Variants in SUFU observed in about 807,000 individuals in gnomAD.
The protein encoded by SUFU is suppressor of fused homolog.
In SUFU, 7 loss-of-function variants were observed where a neutral mutation model predicts 58.9. The observed-to-expected ratio is 0.12, with a 90% CI of 0.07 to 0.22. The LOEUF (loss-of-function observed/expected upper bound fraction) is 0.22, where lower values mean the gene tolerates loss of function less well. Ranked by LOEUF, SUFU falls within the 10% of genes least tolerant of loss-of-function variation. The probability of loss-of-function intolerance (pLI) is 1.00; values close to 1 mark genes in which losing one functional copy is unlikely to be tolerated. For synonymous variants in SUFU, 232 were observed against 254.8 expected, an observed-to-expected ratio of 0.91 and a Z score of 0.85; for missense variants, 451 against 641.3, an observed-to-expected ratio of 0.70 and a Z score of 3.20.
chr10:102,612,526 C>T (rs2063637371), intron 8 of SUFU, among the ~76,000 whole-genome samples: 1 of 152,084 alleles, frequency 6.6e-6, no homozygotes, highest in Non-Finnish European at 1.5e-5. Context: ...ATTTATTTTT[C>T]CCTCCAGCTT....
Position 102,617,227 on chromosome 10 carries a change from C to A in SUFU, c.1158-63C>A. On this transcript the variant is annotated intron_variant, in intron 9 of 11. Transcript: ENST00000369902. This position sits in a 1 kb window ranked among gnomAD's most constrained non-coding sequence, Gnocchi z 4.4. ...CCACTGTCCCAGAGCCTTGGCCAGGCCTGCTGTGCTTGGAACTGTTTCCAA... is the reference window on the plus strand; with the variant it reads ...CCACTGTCCCAGAGCCTTGGCCAGGACTGCTGTGCTTGGAACTGTTTCCAA... The A allele has an allele frequency of 2.5e-6, 4 of 1,611,836 alleles. No homozygotes were observed. The highest frequency in any genetic ancestry group is 1.7e-4 in the Middle Eastern group (1 of 5,980).
chr10:102,545,929 G>A (rs183029709), intron 2 of SUFU, among the ~76,000 whole-genome samples: 14 of 152,306 alleles, frequency 9.2e-5, no homozygotes, highest in Admixed American at 5.9e-4. Flanking sequence ...AGCTGTGATC[G>A]CACCACTGCA....
At chr10:102,542,320 A>T (rs1375389414) in intron 2 of SUFU, among the ~76,000 whole-genome samples, 1 of 151,620 alleles carries the variant, frequency 6.6e-6, no homozygotes, top group Non-Finnish European at 1.5e-5. Context: ...TTTAGTAGAG[A>T]CAGGGTTTCT....
chr10:102,530,099 A>G (rs1035992071), intron 2 of SUFU, among the ~76,000 whole-genome samples: 3 of 152,166 alleles, frequency 2.0e-5, no homozygotes, highest in Non-Finnish European at 2.9e-5. Context: ...CCTTGCACAC[A>G]TGGAAGTTAA....
At position 102,550,105 on chromosome 10, in the gene SUFU, A is replaced by G; in HGVS notation, c.453A>G (p.Ser151=). The change falls in exon 3 of 12, where the codon TCA becomes TCG. Residue 151 remains serine, a splice_region_variant and synonymous_variant. Coordinates refer to ENST00000369902, the MANE Select transcript of SUFU (RefSeq NM_016169.4). ...GCTTGGCACGATACGTGTTCCAGTC[A>G]GGTAGGAGGCCAGGGCTGGCTGCTG... ...MQGLARYVFQ[S]ENTFCSGDHV... is the part of the protein sequence containing the mutation. 6.2e-7 allele frequency: 1 copy of G among 1,614,182 alleles called. No homozygotes were observed.
chr10:102,594,583 A>T (rs528172559), intron 6 of SUFU, among the ~76,000 whole-genome samples: 275 of 152,302 alleles, frequency 1.8e-3, no homozygotes, highest in Non-Finnish European at 3.0e-3. Context: ...GCCTGGAAAG[A>T]TTGGCACCTT....
At chr10:102,536,336 G>C (rs1439788600) in intron 2 of SUFU, among the ~76,000 whole-genome samples, 1 of 147,814 alleles carries the variant, frequency 6.8e-6, no homozygotes, top group African/African-American at 2.5e-5. Context: ...AAATTATACT[G>C]TAGTAGCCAC....
At chr10:102,607,473 T>G (rs2135909539) in intron 8 of SUFU, among the ~76,000 whole-genome samples, 1 of 152,342 alleles carries the variant, frequency 6.6e-6, no homozygotes, top group East Asian at 1.9e-4. Context: ...ATGGCTCAAC[T>G]GTAAACAGCA....
Position 102,619,004 on chromosome 10 carries a change from AC to A in SUFU, c.1296+1577del. The A allele has an allele frequency of 6.5e-7, 1 of 1,536,762 alleles. No individual in the cohort carries two copies. The highest frequency in any genetic ancestry group is 1.1e-5 in the South Asian group (1 of 89,370). ...TAATGTTCAAGCACGTTTTCCTGGG[AC>A]AGTCGGGACTGGGGCCTCCCCAAAC... On this transcript the variant is annotated intron_variant, in intron 10 of 11. Coordinates refer to ENST00000369902, the MANE Select transcript of SUFU (RefSeq NM_016169.4). The surrounding 1 kb of genome is among the most constrained non-coding windows in gnomAD (Gnocchi z 4.2).
chr10:102,631,515 G>A lies in SUFU; in HGVS notation c.*1360G>A, dbSNP rs145506225. On this transcript the variant is annotated 3_prime_UTR_variant, in exon 12 of 12. Coordinates refer to ENST00000369902, the MANE Select transcript of SUFU (RefSeq NM_016169.4). ...CTGCCTTCTTACCCCCAACTCTAGG[G>A]ATGGGACTGTTACAATACTTCAAGA... 5 of 233,578 alleles carry A rather than the reference G, an allele frequency of 2.1e-5. No individual in the cohort carries two copies. Among genetic ancestry groups the A allele is most frequent in the African/African-American group, 1.1e-4 (5 of 45,458 alleles). 14.5% of individuals were successfully genotyped at this position (233,578 alleles called of 1,614,324 possible).
rs182375117 is a variant in SUFU, at chr10:102,542,033, C to T, written c.318-7937C>T. Among the ~76,000 whole-genome samples the T allele has an allele frequency of 9.9e-5, 15 of 151,516 alleles. No homozygotes were observed. The East Asian group carries it at 2.1e-3, about 22-fold the overall frequency. ...CCGAGTAGCTGAGATTACAGGCATG[C>T]GCCACCATGCCCGACTAATTTTGTA... is the stretch of plus-strand genomic sequence containing the variant. On this transcript the variant is annotated intron_variant, in intron 2 of 11. Transcript: ENST00000369902.
intron 8 of SUFU, 86 bp from the exon 9 acceptor site, chr10:102,615,172 GTCTTTATTAC>G: frequency 6.4e-7 from 1 of 1,556,764 alleles, no homozygotes; most frequent in South Asian, 1.1e-5. Flanking sequence ...CACCATTATT[GTCTTTATTAC>G]TCAGGAGCCC....
intron 3 of SUFU, chr10:102,572,929 A>G: frequency 1.9e-6 from 2 of 1,038,074 alleles, no homozygotes; most frequent in South Asian, 2.5e-5. Flanking sequence ...TTTAACATCC[A>G]CAGTGAACAC....
chr10:102,516,998 C>G (rs2135649629), intron 2 of SUFU, among the ~76,000 whole-genome samples: 1 of 151,552 alleles, frequency 6.6e-6, no homozygotes, highest in Middle Eastern at 3.4e-3. Context: ...TGGTGGGCAC[C>G]TGTAATCCCA....
chr10:102,622,932 G>A (rs1456220716), intron 10 of SUFU, among the ~76,000 whole-genome samples: 2 of 150,260 alleles, frequency 1.3e-5, no homozygotes, highest in East Asian at 3.9e-4. Flanking sequence ...CAGAGGTTGC[G>A]GTGAGTTGAG....
At chr10:102,610,539 A>G (rs1023107815) in intron 8 of SUFU, among the ~76,000 whole-genome samples, 2 of 152,220 alleles carry the variant, frequency 1.3e-5, no homozygotes, top group Non-Finnish European at 2.9e-5. Flanking sequence ...TCCAGAGAAC[A>G]TCCAGAAGGG....
chr10:102,527,080 G>A (rs532203510), intron 2 of SUFU, among the ~76,000 whole-genome samples: 79 of 135,008 alleles, frequency 5.9e-4, no homozygotes, highest in South Asian at 5.4e-3. Context: ...TCAGCTCACT[G>A]CAAGCTCCGC....
rs148200570 is a variant in SUFU, at chr10:102,627,951, C to T, written c.1365+708C>T. The stretch of plus-strand genomic sequence containing the variant: ...CCTCCCCCGCTCCTGCCCGCAGCAC[C>T]CCAGTGGGATGGGAGCTTTCCTGGC... On this transcript the variant is annotated intron_variant, in intron 11 of 11. Transcript: ENST00000369902. Among the ~76,000 whole-genome samples the T allele has an allele frequency of 3.0e-3, 452 of 152,340 alleles. 4 individuals are homozygous for T. Among genetic ancestry groups the T allele is most frequent in the African/African-American group, 0.01 (435 of 41,574 alleles).
chr10:102,607,341 G>T (rs1027332369), intron 8 of SUFU, among the ~76,000 whole-genome samples: 9 of 152,038 alleles, frequency 5.9e-5, no homozygotes, highest in African/African-American at 2.2e-4. Flanking sequence ...GAGCCGCCAC[G>T]CCCAGCCAAT....
Sources: gnomAD v4.1 joint callset for allele counts (sites outside exome capture counted in the v4.1 genomes callset) on GRCh38, gnomAD v4.1.1 for gene constraint, Gnocchi (gnomAD v3.1) non-coding constraint, MANE v1.5 for transcripts, NCBI Gene and HGNC (gene_info 2026-07-23, HGNC 2026-07-21) for gene names.